Variants in TAOK1 observed in about 807,000 individuals in gnomAD.
TAOK1 encodes serine/threonine-protein kinase TAO1.
A neutral mutation model predicts 138.3 loss-of-function variants in TAOK1; 21 were observed. The observed-to-expected ratio is 0.15, with a 90% CI of 0.11 to 0.22. The LOEUF is 0.22. TAOK1 is among the 10% of genes least tolerant of loss of function. The pLI, the probability that TAOK1 is intolerant of heterozygous loss-of-function variation, is 1.00. For synonymous variants in TAOK1, 361 were observed against 398.4 expected (o/e 0.91, Z 1.12); for missense variants, 651 against 1,227.7 (o/e 0.53, Z 7.02).
intron 1 of TAOK1, among the ~76,000 whole-genome samples, chr17:29,433,094 A>T (rs1286231352): frequency 6.6e-6 from 1 of 152,122 alleles, no homozygotes; most frequent in East Asian, 1.9e-4. Flanking sequence ...AATTACTAGT[A>T]ATGCAAGAGA....
intron 8 of TAOK1, among the ~76,000 whole-genome samples, chr17:29,486,944 A>G (rs903533574): frequency 6.6e-6 from 1 of 152,110 alleles, no homozygotes; most frequent in Non-Finnish European, 1.5e-5. Flanking sequence ...GGAGGAATTT[A>G]TCAGATAGAA....
intron 1 of TAOK1, among the ~76,000 whole-genome samples, chr17:29,397,159 G>C (rs1237468030): frequency 6.6e-6 from 1 of 151,792 alleles, no homozygotes; most frequent in Non-Finnish European, 1.5e-5. Flanking sequence ...GCCGGGCGTG[G>C]TGGCACTTGT....
intron 2 of TAOK1, among the ~76,000 whole-genome samples, chr17:29,465,396 C>T (rs923798761): frequency 2.0e-5 from 3 of 151,958 alleles, no homozygotes; most frequent in African/African-American, 7.2e-5. Flanking sequence ...GCAATCCGCG[C>T]GTCTCTGCCT....
intron 13 of TAOK1, among the ~76,000 whole-genome samples, chr17:29,504,356 G>A (rs1377956736): frequency 1.3e-5 from 2 of 150,416 alleles, no homozygotes; most frequent in Non-Finnish European, 3.0e-5. Flanking sequence ...AGAAAGGAAG[G>A]AAGAAAGGAA....
At chr17:29,455,454 A>G (rs1219636820) in intron 2 of TAOK1, among the ~76,000 whole-genome samples, 1 of 150,366 alleles carries the variant, frequency 6.7e-6, no homozygotes, top group Non-Finnish European at 1.5e-5. Context: ...TTCAACTTGA[A>G]TGGCTTTCGT....
chr17:29,403,362 T>C (rs1287147672), intron 1 of TAOK1, among the ~76,000 whole-genome samples: 2 of 152,100 alleles, frequency 1.3e-5, no homozygotes, highest in African/African-American at 4.8e-5. Flanking sequence ...ACAGCATTAC[T>C]AAACAAGGTC....
At chr17:29,424,008 C>T (rs2153022021) in intron 1 of TAOK1, among the ~76,000 whole-genome samples, 1 of 147,794 alleles carries the variant, frequency 6.8e-6, no homozygotes, top group Non-Finnish European at 1.5e-5. Context: ...AAGATTGTGC[C>T]ACTGCACTCC....
chr17:29,435,393 G>A (rs1199603323), intron 1 of TAOK1, among the ~76,000 whole-genome samples: 1 of 152,048 alleles, frequency 6.6e-6, no homozygotes, highest in East Asian at 1.9e-4. Context: ...AAATCCCTTA[G>A]CCCTATACTT....
chr17:29,521,879 G>T (rs2031926953), intron 16 of TAOK1, among the ~76,000 whole-genome samples: 1 of 152,244 alleles, frequency 6.6e-6, no homozygotes, highest in Admixed American at 6.5e-5. Flanking sequence ...ACCGCGCCCA[G>T]CTGTGTCCGT....
chr17:29,495,582 G>T lies in TAOK1; in HGVS notation c.854G>T (p.Arg285Leu), dbSNP rs143989572. ...LLKHIFVLRE[R>L]PETVLIDLIQ... ...TAGCACATATTTGTTCTTCGGGAGC[G>T]CCCTGAAACCGTGTTAATAGATCTC... is the stretch of plus-strand genomic sequence containing the variant. Residue 285 changes from arginine (R) to leucine (L), a missense_variant, in exon 11 of 20, where the codon CGC (arginine) becomes CTC (leucine). This residue lies in a region of TAOK1 where 39 missense variants were observed against 52.5 expected (regional missense o/e 0.74). Coordinates refer to ENST00000261716, the MANE Select transcript of TAOK1 (RefSeq NM_020791.4). The T allele has an allele frequency of 3.8e-6, 6 of 1,598,826 alleles. No individual in the cohort carries two copies. Among genetic ancestry groups the T allele is most frequent in the African/African-American group, 2.7e-5 (2 of 74,584 alleles).
chr17:29,409,887 GAT>G (rs2153020844), intron 1 of TAOK1, among the ~76,000 whole-genome samples: 1 of 152,270 alleles, frequency 6.6e-6, no homozygotes, highest in South Asian at 2.1e-4. Flanking sequence ...TTGTGCAGAT[GAT>G]ATATTTGCTC....
intron 14 of TAOK1, among the ~76,000 whole-genome samples, chr17:29,508,521 T>C (rs2031665130): frequency 6.6e-6 from 1 of 152,224 alleles, no homozygotes; most frequent in African/African-American, 2.4e-5. Flanking sequence ...GATAGTTTTG[T>C]AGTGTCACAA....
Position 29,390,605 on chromosome 17 carries a change from C to T in TAOK1, c.-514C>T, listed in dbSNP as rs1029571119. On this transcript the variant is annotated 5_prime_UTR_variant, in exon 1 of 20. Coordinates refer to ENST00000261716, the MANE Select transcript of TAOK1 (RefSeq NM_020791.4). ...CTTCCCTTTGTGAGCGCCTCCTTAC[C>T]AGGGGTGGTGTTGGTGGCGGAGGGC... 1 of 152,196 alleles carries T rather than the reference C, an allele frequency of 6.6e-6. No individual in the cohort carries two copies. The highest frequency in any genetic ancestry group is 1.5e-5 in the Non-Finnish European group (1 of 68,180). The allele number at this position is 152,196 out of a possible 1,614,324, so 9.4% of individuals were successfully genotyped here.
intron 6 of TAOK1, 65 bp downstream of exon 6, chr17:29,478,412 T>C: frequency 8.6e-7 from 1 of 1,163,674 alleles, no homozygotes; most frequent in Non-Finnish European, 1.2e-6. Context: ...ACTTTAGAAT[T>C]TATTAACTCT....
rs754071498 is a variant in TAOK1, at chr17:29,534,168, G to A, written c.2412G>A (p.Gln804=). 8.7e-6 allele frequency: 14 copies of A among 1,613,346 alleles called. No individual in the cohort carries two copies. The South Asian group carries it at 1.4e-4, about 16-fold the overall frequency. Residue 804 remains glutamine (Q), a synonymous_variant, in exon 19 of 20, where the codon CAG becomes CAA. Transcript: ENST00000261716. The part of the protein sequence containing the change: ...QEAECQVLKM[Q]LQQELELLNA... ...CAGAGTGCCAGGTTTTGAAGATGCA[G>A]CTGCAGCAGGAACTGGAGCTGTTGA... is the stretch of plus-strand genomic sequence containing the variant.
chr17:29,409,580 G>A (rs904126461), intron 1 of TAOK1, among the ~76,000 whole-genome samples: 15 of 151,770 alleles, frequency 9.9e-5, no homozygotes, highest in African/African-American at 3.6e-4. Flanking sequence ...TGATCCCCCC[G>A]CCTCAGCCTC....
intron 1 of TAOK1, among the ~76,000 whole-genome samples, chr17:29,443,511 A>G (rs1042267224): frequency 6.6e-6 from 1 of 152,162 alleles, no homozygotes; most frequent in African/African-American, 2.4e-5. Flanking sequence ...GGATAAAGTG[A>G]CACCACCCAC....
chr17:29,391,993 G>C (rs1904447277), intron 1 of TAOK1, among the ~76,000 whole-genome samples: 1 of 152,306 alleles, frequency 6.6e-6, no homozygotes, highest in East Asian at 1.9e-4. Context: ...AAGGCGGGCG[G>C]ATCACGAAGT....
At chr17:29,532,358 T>TG (rs537837117) in intron 18 of TAOK1, among the ~76,000 whole-genome samples, 148 of 151,298 alleles carry the variant, frequency 9.8e-4, no homozygotes, top group African/African-American at 3.4e-3. Flanking sequence ...GTTTGTGGTT[T>TG]TTTTTTTTTT....
Sources: gnomAD v4.1 joint callset for allele counts (sites outside exome capture counted in the v4.1 genomes callset) on GRCh38, gnomAD v4.1.1 for gene constraint, gnomAD v4.1.1 regional missense constraint, MANE v1.5 for transcripts, NCBI Gene and HGNC (gene_info 2026-07-23, HGNC 2026-07-21) for gene names.